Variants in COL16A1 observed in about 807,000 individuals in gnomAD.
COL16A1 encodes collagen type XVI alpha 1 chain.
COL16A1 carries 189 observed loss-of-function variants against 266.3 expected under a neutral mutation model. That is an observed-to-expected ratio of 0.71 (90% CI 0.63 to 0.80). COL16A1 has a LOEUF of 0.80. Ranked by LOEUF, COL16A1 falls within the 30% of genes least tolerant of loss-of-function variation. The probability of loss-of-function intolerance (pLI) is 0.00; values close to 1 mark genes in which losing one functional copy is unlikely to be tolerated. For missense variants in COL16A1, 1,928 were observed against 2,122.4 expected, an observed-to-expected ratio of 0.91 and a Z score of 1.80; for synonymous variants, 740 against 782.3, an observed-to-expected ratio of 0.95 and a Z score of 0.90.
chr1:31,668,856 C>T lies in COL16A1; in HGVS notation c.3196-1G>A. 1 of 1,613,312 alleles carries T rather than the reference C, an allele frequency of 6.2e-7. No individual in the cohort carries two copies. The highest frequency in any genetic ancestry group is 8.5e-7 in the Non-Finnish European group (1 of 1,179,696). On this transcript the variant is annotated splice_acceptor_variant, in intron 49 of 70. Coordinates refer to ENST00000373672, the MANE Select transcript of COL16A1 (RefSeq NM_001856.4). LOFTEE classifies it high-confidence loss of function. This position sits in a 1 kb window ranked among gnomAD's most constrained non-coding sequence, Gnocchi z 5.8. Reference sequence around the variant, plus strand: ...TGAGACCTCGCTCTCCTTGAAGGCCCTTGGAGAGAAAAATCATGAGAAACT... The same window carrying T: ...TGAGACCTCGCTCTCCTTGAAGGCCTTTGGAGAGAAAAATCATGAGAAACT...
In COL16A1 at chr1:31,685,016, G is replaced by A. The variant is rs577173332; in HGVS notation, c.2017-160C>T. On this transcript the variant is annotated intron_variant, in intron 29 of 70. Transcript: ENST00000373672. This position sits in a 1 kb window ranked among gnomAD's most constrained non-coding sequence, Gnocchi z 4.0. ...GCCCAGGTGCAGAGCAAAGATTTGT[G>A]CCAGACTCTTTGCCTGGGTGACATG... Among the ~76,000 whole-genome samples, 1 of 152,338 alleles carries A rather than the reference G, an allele frequency of 6.6e-6. No individual in the cohort carries two copies. Among genetic ancestry groups the A allele is most frequent in the African/African-American group, 2.4e-5 (1 of 41,578 alleles).
At chr1:31,683,893 C>G in intron 33 of COL16A1, 57 bp downstream of exon 33, 2 of 1,612,170 alleles carry the variant, frequency 1.2e-6, no homozygotes, top group Non-Finnish European at 1.7e-6. Flanking sequence ...ATGGATCTCC[C>G]TATCCCACCC....
chr1:31,672,570 C>G (rs373129490), intron 46 of COL16A1, 26 bp downstream of exon 46: 84 of 1,610,662 alleles, frequency 5.2e-5, no homozygotes, highest in Non-Finnish European at 6.9e-5. Context: ...GGGGCATGAT[C>G]GGGGGAGATA....
At chr1:31,695,071 G>T in intron 11 of COL16A1, 115 bp downstream of exon 11, 1 of 1,059,788 alleles carries the variant, frequency 9.4e-7, no homozygotes, top group Non-Finnish European at 1.4e-6. Flanking sequence ...GGGAGCGAGT[G>T]TGAAAGTGTA....
chr1:31,702,344 G>T (rs1369420318), intron 1 of COL16A1, 117 bp from the exon 2 acceptor site: 4 of 1,010,998 alleles, frequency 4.0e-6, no homozygotes, highest in Non-Finnish European at 5.9e-6. Flanking sequence ...GTGGCAGGAG[G>T]TCTGGCCAGG....
At chr1:31,667,718 C>A (rs1008680927) in intron 51 of COL16A1, 90 bp from the exon 52 acceptor site, 1 of 1,265,662 alleles carries the variant, frequency 7.9e-7, no homozygotes, top group African/African-American at 1.5e-5. Flanking sequence ...CAGCTGGCAC[C>A]CAGACTGGCT....
In COL16A1 at chr1:31,698,126, GCCCTGAGCTCC is replaced by G; in HGVS notation, c.426_436del (p.Glu143ProfsTer67). On this transcript the variant is annotated frameshift_variant, in exon 6 of 71. Coordinates refer to ENST00000373672, the MANE Select transcript of COL16A1 (RefSeq NM_001856.4). LOFTEE classifies it high-confidence loss of function. The surrounding 1 kb of genome is among the most constrained non-coding windows in gnomAD (Gnocchi z 4.1). ...CACAAAGTCGCCATCCTGGCCCTGG[GCCCTGAGCTCC>G]AGGCTCCGCTCTTGGCTGTTGACTT... 6.2e-7 allele frequency: 1 copy of G among 1,613,942 alleles called. No individual in the cohort carries two copies. Among genetic ancestry groups the G allele is most frequent in the Non-Finnish European group, 8.5e-7 (1 of 1,180,046 alleles).
At position 31,686,236 on chromosome 1, in the gene COL16A1, A is replaced by G; in HGVS notation, c.1839+8T>C. On this transcript the variant is annotated splice_region_variant and intron_variant, in intron 27 of 70. Transcript: ENST00000373672. ...CTCCCAAGCTGTTGCCATCCAAAAC[A>G]TACTTACTGGACTGCCAGCTGGCCC... 1 of 1,614,172 alleles carries G rather than the reference A, an allele frequency of 6.2e-7. No individual in the cohort carries two copies. The highest frequency in any genetic ancestry group is 8.5e-7 in the Non-Finnish European group (1 of 1,180,036).
At position 31,690,570 on chromosome 1, in the gene COL16A1, T is replaced by C; in HGVS notation, c.1441A>G (p.Ser481Gly). The change falls in exon 21 of 71, where the codon AGC (serine) becomes GGC (glycine). Residue 481 changes from serine (S) to glycine (G), a missense_variant. Ser to Gly is a moderately conservative substitution (Grantham distance 56, BLOSUM62 0). This residue lies in a region of COL16A1 where 1,552 missense variants were observed against 1,637.2 expected (regional missense o/e 0.95). Transcript: ENST00000373672. ...CCTTCCTTTCCTGGGATCCCCGAGCTGCCCTGTGGTCAGAAGAAAGGATAA... is the reference window on the plus strand; with the variant it reads ...CCTTCCTTTCCTGGGATCCCCGAGCCGCCCTGTGGTCAGAAGAAAGGATAA... Reference protein sequence around the residue: ...GPPGPKGDKGSSGIPGKEGPG... With the variant: ...GPPGPKGDKGGSGIPGKEGPG... 6.2e-7 allele frequency: 1 copy of C among 1,613,668 alleles called. No homozygotes were observed. Among genetic ancestry groups the C allele is most frequent in the Non-Finnish European group, 8.5e-7 (1 of 1,179,832 alleles).
In COL16A1 at chr1:31,698,375, A is replaced by G; in HGVS notation, c.390+108T>C. The G allele has an allele frequency of 1.3e-6, 2 of 1,561,450 alleles. No individual in the cohort carries two copies. The highest frequency in any genetic ancestry group is 2.4e-5 in the South Asian group (2 of 82,002). ...GCTGGGGACAGGCTTGAGGGTAGGC[A>G]CAGGATGGAGCAGGGAGACCCCAGA... On this transcript the variant is annotated intron_variant, in intron 5 of 70. Coordinates refer to ENST00000373672, the MANE Select transcript of COL16A1 (RefSeq NM_001856.4). The surrounding 1 kb of genome is among the most constrained non-coding windows in gnomAD (Gnocchi z 4.1).
rs1261787681 is a variant in COL16A1, at chr1:31,693,078, G to A, written c.1071+14C>T. ...TGGCAAAGGTCCTGCCACGGGCAGG[G>A]CTGGGACACTTACCCGTGCTCCCTT... is the stretch of plus-strand genomic sequence containing the variant. On this transcript the variant is annotated intron_variant, in intron 13 of 70. Transcript: ENST00000373672. The A allele has an allele frequency of 5.1e-6, 8 of 1,578,572 alleles. No individual in the cohort carries two copies. Among genetic ancestry groups the A allele is most frequent in the Non-Finnish European group, 7.0e-6 (8 of 1,148,604 alleles).
At position 31,696,953 on chromosome 1, in the gene COL16A1, GC is replaced by G; in HGVS notation, c.864+9del. The G allele has an allele frequency of 6.2e-7, 1 of 1,613,548 alleles. No homozygotes were observed. The highest frequency in any genetic ancestry group is 8.5e-7 in the Non-Finnish European group (1 of 1,179,960). On this transcript the variant is annotated intron_variant, in intron 8 of 70. Transcript: ENST00000373672. ...GCCTGTGCTGGCATCCACCTGTCCT[GC>G]CCACCCACCTCGCTGTTTTGAGGCT...
Position 31,668,864 on chromosome 1 carries a change from G to T in COL16A1, c.3196-9C>A. ...CGCTCTCCTTGAAGGCCCTTGGAGA[G>T]AAAAATCATGAGAAACTGCAGGAGC... On this transcript the variant is annotated splice_polypyrimidine_tract_variant and intron_variant, in intron 49 of 70. Coordinates refer to ENST00000373672, the MANE Select transcript of COL16A1 (RefSeq NM_001856.4). The surrounding 1 kb of genome is among the most constrained non-coding windows in gnomAD (Gnocchi z 5.8). 1 of 1,612,494 alleles carries T rather than the reference G, an allele frequency of 6.2e-7. No homozygotes were observed. Among genetic ancestry groups the T allele is most frequent in the Middle Eastern group, 1.7e-4 (1 of 6,048 alleles).
chr1:31,668,893 C>A lies in COL16A1; in HGVS notation c.3196-38G>T. On this transcript the variant is annotated intron_variant, in intron 49 of 70. Coordinates refer to ENST00000373672, the MANE Select transcript of COL16A1 (RefSeq NM_001856.4). This position sits in a 1 kb window ranked among gnomAD's most constrained non-coding sequence, Gnocchi z 5.8. Reference sequence around the variant, plus strand: ...AATCATGAGAAACTGCAGGAGCCGGCGGTCCCCACCCAGCCCCTGACTCCT... The same window carrying A: ...AATCATGAGAAACTGCAGGAGCCGGAGGTCCCCACCCAGCCCCTGACTCCT... 3 of 1,590,738 alleles carry A rather than the reference C, an allele frequency of 1.9e-6. No individual in the cohort carries two copies. The highest frequency in any genetic ancestry group is 2.2e-5 in the South Asian group (2 of 89,208).
intron 63 of COL16A1, 46 bp from the exon 64 acceptor site, chr1:31,658,623 A>G: frequency 5.3e-6 from 8 of 1,502,404 alleles, no homozygotes; most frequent in Non-Finnish European, 7.3e-6. Context: ...AAAGCAGGCA[A>G]AGTGGACTCC....
rs1352382620 is a variant in COL16A1, at chr1:31,657,318, C to T, written c.4021-250G>A. ...AGAGCTTTACAAGGGAAGAACAGACCGTGCCTGCCTTGCTGTGTGCTTGGA... is the reference window on the plus strand; with the variant it reads ...AGAGCTTTACAAGGGAAGAACAGACTGTGCCTGCCTTGCTGTGTGCTTGGA... On this transcript the variant is annotated intron_variant, in intron 64 of 70. Coordinates refer to ENST00000373672, the MANE Select transcript of COL16A1 (RefSeq NM_001856.4). This position sits in a 1 kb window ranked among gnomAD's most constrained non-coding sequence, Gnocchi z 6.4. 5 of 565,172 alleles carry T rather than the reference C, an allele frequency of 8.8e-6. No individual in the cohort carries two copies. Among genetic ancestry groups the T allele is most frequent in the Admixed American group, 6.1e-5 (2 of 33,036 alleles). The allele number at this position is 565,172 out of a possible 1,614,324, so 35.0% of individuals were successfully genotyped here. A position where few individuals can be genotyped will look rare whatever the true frequency, so the allele number is the denominator to read the frequency against.
intron 2 of COL16A1, chr1:31,701,604 G>T (rs1462460614): frequency 1.0e-6 from 1 of 981,336 alleles, no homozygotes; most frequent in Non-Finnish European, 1.2e-6. Flanking sequence ...GGGCCTCGGG[G>T]TGGGCCTTTT....
Position 31,652,418 on chromosome 1 carries a change from C to T in COL16A1, c.*233G>A, listed in dbSNP as rs1640704782. On this transcript the variant is annotated 3_prime_UTR_variant, in exon 71 of 71. Transcript: ENST00000373672. This position sits in a 1 kb window ranked among gnomAD's most constrained non-coding sequence, Gnocchi z 4.8. ...TGTACCCAAAATGCCCTTTTTTGTT[C>T]CTGGGACTAAACGGGAAAAGGAGGG... 7.6e-6 allele frequency: 3 copies of T among 393,524 alleles called. No individual in the cohort carries two copies. Among genetic ancestry groups the T allele is most frequent in the East Asian group, 9.4e-5 (2 of 21,242 alleles). 24.4% of individuals were successfully genotyped at this position (393,524 alleles called of 1,614,324 possible).
chr1:31,662,874 T>G, intron 56 of COL16A1: 1 of 593,108 alleles, frequency 1.7e-6, no homozygotes, highest in Non-Finnish European at 3.0e-6. Flanking sequence ...TCCCCTTTCC[T>G]TGCTGCCCCA....
Sources: allele counts gnomAD v4.1 joint callset (sites outside exome capture counted in the v4.1 genomes callset), GRCh38; gene constraint gnomAD v4.1.1; regional missense constraint gnomAD v4.1.1; non-coding constraint Gnocchi (gnomAD v3.1); transcripts MANE v1.5; gene names NCBI Gene and HGNC (gene_info 2026-07-23, HGNC 2026-07-21).